TMEM127: variants seen among roughly 807,000 people sequenced by gnomAD.
TMEM127 encodes transmembrane protein 127.
TMEM127 carries 21 observed loss-of-function variants against 20.1 expected under a neutral mutation model. The observed-to-expected ratio is 1.04, with a 90% confidence interval of 0.74 to 1.50. TMEM127 has a LOEUF of 1.50. Ranked by LOEUF, TMEM127 falls within the 40% of genes most tolerant of loss-of-function variation. TMEM127 has a pLI of 0.00. For missense variants in TMEM127, 303 were observed against 317.4 expected (o/e 0.95, Z 0.34); for synonymous variants, 150 against 144.7 (o/e 1.04, Z -0.26).
At position 96,250,547 on chromosome 2, in the gene TMEM127, G is replaced by T. The variant is rs570953112; in HGVS notation, c.*3261C>A. The T allele has an allele frequency of 8.6e-6, 2 of 232,968 alleles. No individual in the cohort carries two copies. The highest frequency in any genetic ancestry group is 2.2e-5 in the African/African-American group (1 of 45,424). The allele number at this position is 232,968 out of a possible 1,614,324, so 14.4% of individuals were successfully genotyped here. On this transcript the variant is annotated 3_prime_UTR_variant, in exon 4 of 4. Coordinates refer to ENST00000258439, the MANE Select transcript of TMEM127 (RefSeq NM_017849.4). ...TGCCTAATGGTGCTTTGTCTGAATG[G>T]ACATGAAATGAGAACACACTCCCAG...
chr2:96,260,133 T>C (rs1684286099), intron 2 of TMEM127, among the ~76,000 whole-genome samples: 1 of 152,242 alleles, frequency 6.6e-6, no homozygotes, highest in African/African-American at 2.4e-5. Flanking sequence ...GAAATTCCCT[T>C]TGGGTAACGT....
rs1440811253 is a variant in TMEM127 at position 96,251,151 on chromosome 2, G to C, written c.*2657C>G. ...CCTAGAAACTTCCTGTGTGAAAACA[G>C]GATTAGGAAGCTCTGGGGGTGAAAA... is the stretch of plus-strand genomic sequence containing the variant. On this transcript the variant is annotated 3_prime_UTR_variant, in exon 4 of 4. Coordinates refer to ENST00000258439, the MANE Select transcript of TMEM127 (RefSeq NM_017849.4). The C allele has an allele frequency of 1.9e-5, 4 of 215,906 alleles. No individual in the cohort carries two copies. Among genetic ancestry groups the C allele is most frequent in the African/African-American group, 9.0e-5 (4 of 44,334 alleles). The allele number at this position is 215,906 out of a possible 1,614,324, so 13.4% of individuals were successfully genotyped here. A position where few individuals can be genotyped will look rare whatever the true frequency, so the allele number is the denominator to read the frequency against.
At position 96,253,913 on chromosome 2, in the gene TMEM127, C is replaced by T. The variant is rs1684144140; in HGVS notation, c.612G>A (p.Glu204=). Residue 204 remains glutamate, a synonymous_variant, in exon 4 of 4, where the codon GAG becomes GAA. Coordinates refer to ENST00000258439, the MANE Select transcript of TMEM127 (RefSeq NM_017849.4). The surrounding 1 kb of genome is among the most constrained non-coding windows in gnomAD (Gnocchi z 4.3). ...CTGAGAGCAGCTCCAGCGCCTGCTC[C>T]TCTTCCTCTGTGGGGTAGTGGCGCA... ...NLLRHYPTEE[E]EQALELLSEM... 1 of 1,613,978 alleles carries T rather than the reference C, an allele frequency of 6.2e-7. No homozygotes were observed. The highest frequency in any genetic ancestry group is 8.5e-7 in the Non-Finnish European group (1 of 1,179,862).
chr2:96,265,543 G>A lies in TMEM127; in HGVS notation c.-131-31C>T, dbSNP rs1004563950. ...AGGGTTGACACCAGAGGATAGGGGGGTGGGACCCGGGGCTGACGGAGACGG... is the reference window on the plus strand; with the variant it reads ...AGGGTTGACACCAGAGGATAGGGGGATGGGACCCGGGGCTGACGGAGACGG... On this transcript the variant is annotated intron_variant, in intron 1 of 3. Transcript: ENST00000258439. 11 of 960,544 alleles carry A rather than the reference G, an allele frequency of 1.1e-5. No individual in the cohort carries two copies. The African/African-American group carries it at 1.5e-4, about 13-fold the overall frequency. The allele number at this position is 960,544 out of a possible 1,614,324, so 59.5% of individuals were successfully genotyped here.
At position 96,253,757 on chromosome 2, in the gene TMEM127, A is replaced by T; in HGVS notation, c.*51T>A. 2 of 1,567,700 alleles carry T rather than the reference A, an allele frequency of 1.3e-6. No homozygotes were observed. The highest frequency in any genetic ancestry group is 1.7e-6 in the Non-Finnish European group (2 of 1,152,576). ...AAGGAGCTCCTCTGGGTGCGAGAGG[A>T]GCTGCAGAGTTGAGGGAGGGGCTGC... On this transcript the variant is annotated 3_prime_UTR_variant, in exon 4 of 4. Coordinates refer to ENST00000258439, the MANE Select transcript of TMEM127 (RefSeq NM_017849.4). The surrounding 1 kb of genome is among the most constrained non-coding windows in gnomAD (Gnocchi z 4.3).
Position 96,265,375 on chromosome 2 carries a change from C to T in TMEM127, c.7G>A (p.Ala3Thr), listed in dbSNP as rs2104308614. The T allele has an allele frequency of 7.0e-7, 1 of 1,423,566 alleles. No homozygotes were observed. Among genetic ancestry groups the T allele is most frequent in the Non-Finnish European group, 9.1e-7 (1 of 1,095,680 alleles). 88.2% of individuals were successfully genotyped at this position (1,423,566 alleles called of 1,614,324 possible). ...CCGGGCAGCCCTGCGCCTCCGGGGG[C>T]GTACATGCCCGGGGCCGCCCGCCGT... MY[A>T]PGGAGLPGGR... Residue 3 changes from alanine (A) to threonine (T), a missense_variant, in exon 2 of 4, where the codon GCC becomes ACC. By Grantham distance (58) the Ala-to-Thr change is moderately conservative. Transcript: ENST00000258439.
At position 96,249,785 on chromosome 2, in the gene TMEM127, G is replaced by C; in HGVS notation, c.*4023C>G. 1 of 233,210 alleles carries C rather than the reference G, an allele frequency of 4.3e-6. No homozygotes were observed. Among genetic ancestry groups the C allele is most frequent in the Admixed American group, 5.6e-5 (1 of 17,796 alleles). 14.4% of individuals were successfully genotyped at this position (233,210 alleles called of 1,614,324 possible). On this transcript the variant is annotated 3_prime_UTR_variant, in exon 4 of 4. Transcript: ENST00000258439. Reference sequence around the variant, plus strand: ...CATTAGTGTAGTGGCTGAGAGCGTGGATATTTCAGGCAAGATGCCAGCTGA... The same window carrying C: ...CATTAGTGTAGTGGCTGAGAGCGTGCATATTTCAGGCAAGATGCCAGCTGA...
chr2:96,253,681 G>A lies in TMEM127; in HGVS notation c.*127C>T. On this transcript the variant is annotated 3_prime_UTR_variant, in exon 4 of 4. Transcript: ENST00000258439. This position sits in a 1 kb window ranked among gnomAD's most constrained non-coding sequence, Gnocchi z 4.3. ...ACCCTAAAGGCAGAGTCTCTCCTGG[G>A]GAAGGTTTGGAGAAGATGGTCAGGA... is the stretch of plus-strand genomic sequence containing the variant. 1.9e-6 allele frequency: 2 copies of A among 1,045,816 alleles called. No homozygotes were observed. The highest frequency in any genetic ancestry group is 3.3e-5 in the South Asian group (2 of 59,792). The allele number at this position is 1,045,816 out of a possible 1,614,324, so 64.8% of individuals were successfully genotyped here.
At position 96,250,772 on chromosome 2, in the gene TMEM127, A is replaced by T. The variant is rs1024930850; in HGVS notation, c.*3036T>A. Reference sequence around the variant, plus strand: ...TGGCACTGCCCTACAGGAGGCTTACAGGTCACACTCCCAGAACTGTCTCTA... The same window carrying T: ...TGGCACTGCCCTACAGGAGGCTTACTGGTCACACTCCCAGAACTGTCTCTA... On this transcript the variant is annotated 3_prime_UTR_variant, in exon 4 of 4. Coordinates refer to ENST00000258439, the MANE Select transcript of TMEM127 (RefSeq NM_017849.4). 2 of 232,762 alleles carry T rather than the reference A, an allele frequency of 8.6e-6. No homozygotes were observed. The highest frequency in any genetic ancestry group is 4.4e-5 in the African/African-American group (2 of 45,320). 14.4% of individuals were successfully genotyped at this position (232,762 alleles called of 1,614,324 possible). A position where few individuals can be genotyped will look rare whatever the true frequency, so the allele number is the denominator to read the frequency against.
intron 2 of TMEM127, 74 bp from the exon 3 acceptor site, chr2:96,255,071 T>A (rs1393726595): frequency 1.3e-6 from 2 of 1,585,698 alleles, no homozygotes; most frequent in African/African-American, 2.7e-5. Context: ...AGAAGGAGTT[T>A]GATTCCCCTC....
In TMEM127 at chr2:96,254,951, G is replaced by A. The variant is rs546105756; in HGVS notation, c.291C>T (p.Ala97=). The A allele has an allele frequency of 6.2e-6, 10 of 1,614,232 alleles. No individual in the cohort carries two copies. Among genetic ancestry groups the A allele is most frequent in the African/African-American group, 2.7e-5 (2 of 75,064 alleles). Residue 97 remains alanine (A), a synonymous_variant, in exon 3 of 4, where the codon GCC becomes GCT. Coordinates refer to ENST00000258439, the MANE Select transcript of TMEM127 (RefSeq NM_017849.4). The stretch of plus-strand genomic sequence containing the variant: ...ACAGGATGCCCAGGAAACAGAAGGC[G>A]GCGATGACCCGCAGGAGCAGCACTG... ...PQTVLLLRVI[A]AFCFLGILCS...
intron 2 of TMEM127, among the ~76,000 whole-genome samples, chr2:96,256,432 G>A (rs545802642): frequency 9.2e-5 from 14 of 151,746 alleles, no homozygotes; most frequent in African/African-American, 1.5e-4. Flanking sequence ...TTAGCCGGGC[G>A]TGGTGGTGCA....
rs1573966166 is a variant in TMEM127 at position 96,249,894 on chromosome 2, C to T, written c.*3914G>A. The T allele has an allele frequency of 4.3e-6, 1 of 233,256 alleles. No homozygotes were observed. Among genetic ancestry groups the T allele is most frequent in the East Asian group, 6.0e-5 (1 of 16,580 alleles). 14.4% of individuals were successfully genotyped at this position (233,256 alleles called of 1,614,324 possible). On this transcript the variant is annotated 3_prime_UTR_variant, in exon 4 of 4. Transcript: ENST00000258439. ...GTCCCAGGGTCCTCTCCTTGCGGCCCTTCACATCCCATGGCTTCTCGTGTG... is the reference window on the plus strand; with the variant it reads ...GTCCCAGGGTCCTCTCCTTGCGGCCTTTCACATCCCATGGCTTCTCGTGTG...
In TMEM127 at chr2:96,252,351, A is replaced by G. The variant is rs1684111145; in HGVS notation, c.*1457T>C. ...CTTTTCAGCTCAGCAGGGGACACTG[A>G]TTCCCAAGAAGCAAGTAACTTAACA... On this transcript the variant is annotated 3_prime_UTR_variant, in exon 4 of 4. Coordinates refer to ENST00000258439, the MANE Select transcript of TMEM127 (RefSeq NM_017849.4). The surrounding 1 kb of genome is among the most constrained non-coding windows in gnomAD (Gnocchi z 4.2). 4.3e-6 allele frequency: 1 copy of G among 233,224 alleles called. No homozygotes were observed. Among genetic ancestry groups the G allele is most frequent in the Admixed American group, 5.6e-5 (1 of 17,780 alleles). 14.4% of individuals were successfully genotyped at this position (233,224 alleles called of 1,614,324 possible).
At chr2:96,265,064 G>C in intron 2 of TMEM127, 74 bp downstream of exon 2, 1 of 1,592,784 alleles carries the variant, frequency 6.3e-7, no homozygotes, top group Non-Finnish European at 8.5e-7. Flanking sequence ...TCTGGTCCCT[G>C]GCTATCTCTG....
At position 96,249,748 on chromosome 2, in the gene TMEM127, G is replaced by A. The variant is rs965830527; in HGVS notation, c.*4060C>T. 4 of 233,074 alleles carry A rather than the reference G, an allele frequency of 1.7e-5. No individual in the cohort carries two copies. Among genetic ancestry groups the A allele is most frequent in the African/African-American group, 6.6e-5 (3 of 45,352 alleles). 14.4% of individuals were successfully genotyped at this position (233,074 alleles called of 1,614,324 possible). A position where few individuals can be genotyped will look rare whatever the true frequency, so the allele number is the denominator to read the frequency against. On this transcript the variant is annotated 3_prime_UTR_variant, in exon 4 of 4. Transcript: ENST00000258439. ...GTCAGTTCCCTTCTGTCTCCCCATA[G>A]CATCTGTGTTCCATTAGTGTAGTGG...
Position 96,251,822 on chromosome 2 carries a change from G to A in TMEM127, c.*1986C>T, listed in dbSNP as rs1013199651. 4.3e-6 allele frequency: 1 copy of A among 233,198 alleles called. No individual in the cohort carries two copies. The highest frequency in any genetic ancestry group is 8.5e-6 in the Non-Finnish European group (1 of 117,808). The allele number at this position is 233,198 out of a possible 1,614,324, so 14.4% of individuals were successfully genotyped here. ...GGGAGTGAATAAAAAGTGGGTTCCG[G>A]ATCGTGCGGAACAGTCCACAGGGTC... On this transcript the variant is annotated 3_prime_UTR_variant, in exon 4 of 4. Coordinates refer to ENST00000258439, the MANE Select transcript of TMEM127 (RefSeq NM_017849.4).
chr2:96,255,107 G>A, intron 2 of TMEM127, 110 bp from the exon 3 acceptor site: 3 of 1,465,588 alleles, frequency 2.0e-6, no homozygotes, highest in Non-Finnish European at 2.8e-6. Context: ...AGCCAGGGCA[G>A]TTCTGGAGGA....
At chr2:96,256,537 C>T (rs901744163) in intron 2 of TMEM127, among the ~76,000 whole-genome samples, 1 of 146,284 alleles carries the variant, frequency 6.8e-6, no homozygotes, top group African/African-American at 2.6e-5. Flanking sequence ...CGCCTTCACA[C>T]TCCAGCATGG....
Sources: gnomAD v4.1 joint callset for allele counts (sites outside exome capture counted in the v4.1 genomes callset) on GRCh38, gnomAD v4.1.1 for gene constraint, Gnocchi (gnomAD v3.1) non-coding constraint, MANE v1.5 for transcripts, NCBI Gene and HGNC (gene_info 2026-07-23, HGNC 2026-07-21) for gene names.